DPP6: variants seen among roughly 807,000 people sequenced by gnomAD.
DPP6 encodes the protein A-type potassium channel modulatory protein DPP6.
In DPP6, 69 loss-of-function variants were observed where a neutral mutation model predicts 122.6. The observed-to-expected ratio is 0.56, with a 90% CI of 0.46 to 0.69. The LOEUF is 0.69. Among genes scored for constraint, DPP6 ranks in the 30% least tolerant of loss-of-function variants. The pLI, the probability that DPP6 is intolerant of heterozygous loss-of-function variation, is 0.00. For synonymous variants in DPP6, 418 were observed against 433.1 expected (o/e 0.97, Z 0.43); for missense variants, 928 against 1,116.9 (o/e 0.83, Z 2.41).
chr7:153,839,930 A>G, the DPP6 span, among the ~76,000 whole-genome samples: 6 of 152,236 alleles, frequency 3.9e-5, no homozygotes, highest in Admixed American at 6.5e-5. Flanking sequence ...TCCAAAATAC[A>G]TAGAAGAATT....
At chr7:154,575,195 G>C (rs1284569360) in intron 5 of DPP6, among the ~76,000 whole-genome samples, 1 of 119,282 alleles carries the variant, frequency 8.4e-6, no homozygotes, top group Non-Finnish European at 1.7e-5. Flanking sequence ...TGTGTGGTGT[G>C]TGTGGTGTCT....
At chr7:154,778,206 A>G (rs1260006250) in intron 10 of DPP6, among the ~76,000 whole-genome samples, 1 of 152,130 alleles carries the variant, frequency 6.6e-6, no homozygotes, top group Non-Finnish European at 1.5e-5. Flanking sequence ...AAACAGATAG[A>G]GCTCCAGACA....
chr7:154,148,229 G>C lies in DPP6; in HGVS notation c.243+95166G>C, dbSNP rs1213543904. ...GAGGTCCCCCGTCTGACTCACACCT[G>C]ACAGTCGGGCCTGTCCCATCTCTGG... is the stretch of plus-strand genomic sequence containing the variant. On this transcript the variant is annotated intron_variant, in intron 1 of 25. Coordinates refer to ENST00000377770, the MANE Select transcript of DPP6 (RefSeq NM_130797.4). Among the ~76,000 whole-genome samples the C allele has an allele frequency of 2.7e-5, 3 of 112,480 alleles. 1 individual carries two copies. Among genetic ancestry groups the C allele is most frequent in the Non-Finnish European group, 6.2e-5 (3 of 48,146 alleles). The allele number at this position is 112,480 out of a possible 152,430, so 73.8% of individuals were successfully genotyped here.
chr7:154,748,108 G>A (rs1409777993), intron 8 of DPP6, among the ~76,000 whole-genome samples: 4 of 152,162 alleles, frequency 2.6e-5, no homozygotes, highest in South Asian at 2.1e-4. Context: ...TCCCGCTTCC[G>A]GCAAGGAGAG....
chr7:154,290,389 A>G (rs1418519634), intron 1 of DPP6, among the ~76,000 whole-genome samples: 4 of 152,164 alleles, frequency 2.6e-5, no homozygotes, highest in Non-Finnish European at 5.9e-5. Context: ...CGCTCTGAAA[A>G]AATACCTTTG....
intron 1 of DPP6, among the ~76,000 whole-genome samples, chr7:154,061,986 C>G (rs113684396): frequency 7.9e-6 from 1 of 126,320 alleles, no homozygotes; most frequent in African/African-American, 2.9e-5. Flanking sequence ...TCCCCTCTTC[C>G]GCCCCTGGCT....
chr7:153,812,693 G>C, the DPP6 span, among the ~76,000 whole-genome samples: 2,009 of 152,288 alleles, frequency 0.013, 37 homozygotes, highest in African/African-American at 0.045. Flanking sequence ...TGAGGTCAAG[G>C]CTGCAAGGAC....
intron 1 of DPP6, among the ~76,000 whole-genome samples, chr7:153,898,147 G>A (rs193148370): frequency 6.6e-6 from 1 of 152,232 alleles, no homozygotes; most frequent in East Asian, 1.9e-4. Flanking sequence ...ATAATTTATT[G>A]TATATTTCAA....
At chr7:154,553,232 AT>A (rs1468733950) in intron 4 of DPP6, among the ~76,000 whole-genome samples, 1 of 152,246 alleles carries the variant, frequency 6.6e-6, no homozygotes, top group African/African-American at 2.4e-5. Flanking sequence ...TTTAAGTTAC[AT>A]CACAGGAGTA....
intron 2 of DPP6, among the ~76,000 whole-genome samples, chr7:154,460,949 T>C (rs1821246285): frequency 6.6e-6 from 1 of 152,126 alleles, no homozygotes; most frequent in South Asian, 2.1e-4. Flanking sequence ...TCTTACTCTT[T>C]CTAACTCTAT....
At chr7:154,281,766 A>G (rs1002121775) in intron 1 of DPP6, among the ~76,000 whole-genome samples, 2 of 152,204 alleles carry the variant, frequency 1.3e-5, no homozygotes, top group African/African-American at 4.8e-5. Flanking sequence ...GGATTTCAGC[A>G]TCAGAATTGA....
At chr7:153,860,287 C>T in the DPP6 span, among the ~76,000 whole-genome samples, 5 of 152,128 alleles carry the variant, frequency 3.3e-5, no homozygotes, top group African/African-American at 1.2e-4. Context: ...GGGTACAAGG[C>T]CCCTCATTGT....
In DPP6 at chr7:154,486,656, A is replaced by T. The variant is rs1397736738; in HGVS notation, c.457+11619A>T. ...CCGCAGTAGAACTTTACAAAACTTC[A>T]GTCAGAGCATCAGCTTGTGAACCAG... On this transcript the variant is annotated intron_variant, in intron 3 of 25. Transcript: ENST00000377770. The surrounding 1 kb of genome is among the most constrained non-coding windows in gnomAD (Gnocchi z 4.5). 6.6e-6 allele frequency among the ~76,000 whole-genome samples: 1 copy of T among 152,218 alleles called. No individual in the cohort carries two copies. The highest frequency in any genetic ancestry group is 1.5e-5 in the Non-Finnish European group (1 of 68,040).
At chr7:154,599,567 T>TTGTTACATATGTATACA (rs985647677) in intron 5 of DPP6, among the ~76,000 whole-genome samples, 3 of 151,900 alleles carry the variant, frequency 2.0e-5, no homozygotes, top group East Asian at 1.9e-4. Context: ...ACGTGCAGGT[T>TTGTTACATATGTATACA]TGTTACATAT....
intron 1 of DPP6, among the ~76,000 whole-genome samples, chr7:154,412,390 G>T (rs1816677852): frequency 6.6e-6 from 1 of 152,112 alleles, no homozygotes; most frequent in African/African-American, 2.4e-5. Context: ...CCAGCTTCTG[G>T]CTGGGTCCTC....
Position 154,446,250 on chromosome 7 carries a change from A to G in DPP6, c.280A>G (p.Lys94Glu), listed in dbSNP as rs778160963. The G allele has an allele frequency of 6.2e-7, 1 of 1,609,668 alleles. No homozygotes were observed. The change falls in exon 2 of 26, where the codon AAA becomes GAA. Residue 94 changes from lysine (K) to glutamate (E), a missense_variant. Coordinates refer to ENST00000377770, the MANE Select transcript of DPP6 (RefSeq NM_130797.4). ...VGSNPPQRNWKGIAIALLVIL... is the reference protein window; with the variant it reads ...VGSNPPQRNWEGIAIALLVIL... ...GAGTAACCCTCCGCAGAGGAATTGG[A>G]AAGGAATAGCAATTGCACTGCTTGT...
intron 2 of DPP6, among the ~76,000 whole-genome samples, chr7:154,471,888 A>G (rs1030473478): frequency 6.6e-6 from 1 of 152,218 alleles, no homozygotes; most frequent in Admixed American, 6.5e-5. Context: ...GATATATTAG[A>G]TATTAAAATG....
At chr7:154,623,213 A>G (rs963781213) in intron 5 of DPP6, among the ~76,000 whole-genome samples, 3 of 152,188 alleles carry the variant, frequency 2.0e-5, no homozygotes, top group Non-Finnish European at 2.9e-5. Context: ...GTGCAAGTCT[A>G]CTGATACATC....
chr7:154,425,613 T>TGTGTGG (rs60193275), intron 1 of DPP6, among the ~76,000 whole-genome samples: 41,468 of 129,996 alleles, frequency 0.32, 7,383 homozygotes, highest in East Asian at 0.54. Context: ...AATGTGTGTG[T>TGTGTGG]GTGTGTGGGT....
Sources: allele counts gnomAD v4.1 joint callset (sites outside exome capture counted in the v4.1 genomes callset), GRCh38; gene constraint gnomAD v4.1.1; non-coding constraint Gnocchi (gnomAD v3.1); transcripts MANE v1.5; gene names NCBI Gene and HGNC (gene_info 2026-07-23, HGNC 2026-07-21).